RUNX1T1: variants seen among roughly 807,000 people sequenced by gnomAD.
RUNX1T1 encodes the protein protein CBFA2T1.
In RUNX1T1, 4 loss-of-function variants were observed where a neutral mutation model predicts 62.8. The ratio of observed to expected loss-of-function variants is 0.06; its 90% CI spans 0.03 to 0.15. The LOEUF (loss-of-function observed/expected upper bound fraction) is 0.15. Ranked by LOEUF, RUNX1T1 falls within the 10% of genes least tolerant of loss-of-function variation. The probability of loss-of-function intolerance (pLI) is 1.00; values close to 1 mark genes in which losing one functional copy is unlikely to be tolerated. For synonymous variants in RUNX1T1, 291 were observed against 286.0 expected (o/e 1.02, Z -0.18); for missense variants, 508 against 754.3 (o/e 0.67, Z 3.82).
At chr8:92,025,260 G>A (rs555255350) in intron 1 of RUNX1T1, among the ~76,000 whole-genome samples, 9 of 152,234 alleles carry the variant, frequency 5.9e-5, no homozygotes, top group African/African-American at 2.2e-4. Flanking sequence ...CTCTCCTCTT[G>A]TAATCTTTAA....
chr8:92,095,628 G>A (rs760243064), intron 1 of RUNX1T1: 20 of 1,316,892 alleles, frequency 1.5e-5, no homozygotes, highest in Non-Finnish European at 1.9e-5. Context: ...GAGAGAGAGA[G>A]AAGACAGAAA....
At chr8:92,065,692 G>A (rs1186765752), upstream of RUNX1T1, among the ~76,000 whole-genome samples, 2 of 152,160 alleles carry the variant, frequency 1.3e-5, no homozygotes, top group Non-Finnish European at 2.9e-5. Flanking sequence ...TTTTTCCTCT[G>A]TTCAAACCTG....
At chr8:91,972,982 A>G (rs1400269184) in intron 9 of RUNX1T1, among the ~76,000 whole-genome samples, 1 of 151,986 alleles carries the variant, frequency 6.6e-6, no homozygotes, top group African/African-American at 2.4e-5. Flanking sequence ...CTTTTAGAGG[A>G]GAATATGGCC....
At chr8:92,033,235 T>C (rs1358923213) in intron 1 of RUNX1T1, among the ~76,000 whole-genome samples, 1 of 152,200 alleles carries the variant, frequency 6.6e-6, no homozygotes, top group African/African-American at 2.4e-5. Flanking sequence ...CAAATTCTAA[T>C]ACATCCACAG....
intron 1 of RUNX1T1, among the ~76,000 whole-genome samples, chr8:92,091,925 C>T (rs543893794): frequency 6.6e-6 from 1 of 152,332 alleles, no homozygotes; most frequent in East Asian, 1.9e-4. Flanking sequence ...TAAGGTGTCA[C>T]TGTGCCTGCC....
At chr8:92,041,818 G>T (rs1357869081) in intron 1 of RUNX1T1, among the ~76,000 whole-genome samples, 2 of 150,078 alleles carry the variant, frequency 1.3e-5, no homozygotes, top group African/African-American at 5.0e-5. Flanking sequence ...TGAAGGGGTG[G>T]GTTTTTTTTT....
intron 1 of RUNX1T1, among the ~76,000 whole-genome samples, chr8:92,090,792 A>G (rs530812157): frequency 6.6e-6 from 1 of 152,346 alleles, no homozygotes; most frequent in African/African-American, 2.4e-5. Context: ...TCAATTTTCT[A>G]AATTGGGGCA....
intron 5 of RUNX1T1, among the ~76,000 whole-genome samples, chr8:92,000,648 T>C (rs183529557): frequency 4.0e-4 from 61 of 152,290 alleles, no homozygotes; most frequent in African/African-American, 1.3e-3. Flanking sequence ...GTGTGTACTG[T>C]CATAACAAAT....
At chr8:92,004,842 G>A (rs1293664887) in intron 5 of RUNX1T1, 1 of 315,338 alleles carries the variant, frequency 3.2e-6, no homozygotes, top group Non-Finnish European at 5.8e-6. Flanking sequence ...AGTGGTACTT[G>A]GCAAATCAGA....
At chr8:91,969,693 C>T (rs1315464387) in intron 10 of RUNX1T1, among the ~76,000 whole-genome samples, 1 of 152,164 alleles carries the variant, frequency 6.6e-6, no homozygotes, top group Non-Finnish European at 1.5e-5. Context: ...TAAATAGAAA[C>T]TCTGGGCATT....
rs548552597 is a variant in RUNX1T1, at chr8:92,046,342, T to C, written c.7+16204A>G. ...GACTCTCAAATAATGCCCCTTAGTATGAACACATGATTAATACAAAGATTA... is the reference window on the plus strand; with the variant it reads ...GACTCTCAAATAATGCCCCTTAGTACGAACACATGATTAATACAAAGATTA... On this transcript the variant is annotated intron_variant, in intron 1 of 10. Transcript: ENST00000396218. 2.2e-4 allele frequency among the ~76,000 whole-genome samples: 34 copies of C among 152,192 alleles called. No homozygotes were observed. In the South Asian group the frequency reaches 3.9e-3, roughly 18 times the overall value.
intron 5 of RUNX1T1, among the ~76,000 whole-genome samples, chr8:91,994,949 C>T (rs1818388638): frequency 2.0e-5 from 3 of 152,332 alleles, no homozygotes; most frequent in African/African-American, 4.8e-5. Context: ...TCAAAACACA[C>T]AGTGCTGATA....
At chr8:92,020,831 T>C (rs936414836) in intron 1 of RUNX1T1, among the ~76,000 whole-genome samples, 1 of 151,944 alleles carries the variant, frequency 6.6e-6, no homozygotes, top group African/African-American at 2.4e-5. Context: ...TTTCCTTTTT[T>C]TTTTTTTTTT....
intron 1 of RUNX1T1, among the ~76,000 whole-genome samples, chr8:92,054,862 G>A (rs1453013784): frequency 6.6e-5 from 10 of 151,884 alleles, no homozygotes; most frequent in Non-Finnish European, 1.0e-4. Flanking sequence ...AAAATTAGCC[G>A]GGCGTGGTGG....
exon 11 of RUNX1T1, chr8:91,959,934 C>A: frequency 2.5e-6 from 1 of 402,124 alleles, no homozygotes; most frequent in Non-Finnish European, 4.6e-6. Context: ...TTTAAAATCC[C>A]AGCTACTTGA....
rs1050300255 is a variant in RUNX1T1, at chr8:92,023,111, T to C, written c.8-5748A>G. Among the ~76,000 whole-genome samples the C allele has an allele frequency of 3.3e-5, 5 of 152,190 alleles. No individual in the cohort carries two copies. The East Asian group carries it at 9.6e-4, about 29-fold the overall frequency. On this transcript the variant is annotated intron_variant, in intron 1 of 10. Transcript: ENST00000396218. ...GGACAATGGGCCATGAAAGGAGGTC[T>C]ACTGAAGAGGTTGTGAGAAAGACAT...
chr8:92,058,580 C>T (rs1163884764), intron 1 of RUNX1T1, among the ~76,000 whole-genome samples: 1 of 152,150 alleles, frequency 6.6e-6, no homozygotes, highest in Admixed American at 6.5e-5. Context: ...AGAAAATGTC[C>T]TCAAAAGATC....
At chr8:92,067,541 A>G (rs1563889366), upstream of RUNX1T1, among the ~76,000 whole-genome samples, 1 of 152,258 alleles carries the variant, frequency 6.6e-6, no homozygotes, top group Non-Finnish European at 1.5e-5. Context: ...AAACTGATAA[A>G]CCAAATAGTC....
intron 2 of RUNX1T1, among the ~76,000 whole-genome samples, chr8:92,071,911 A>G (rs1833744097): frequency 6.6e-6 from 1 of 152,170 alleles, no homozygotes; most frequent in African/African-American, 2.4e-5. Flanking sequence ...CTCTTCCTAA[A>G]GCTGACCCAG....
Sources: gnomAD v4.1 joint callset for allele counts (sites outside exome capture counted in the v4.1 genomes callset) on GRCh38, gnomAD v4.1.1 for gene constraint, MANE v1.5 for transcripts, NCBI Gene and HGNC (gene_info 2026-07-23, HGNC 2026-07-21) for gene names.